TESK2: variants seen among roughly 807,000 people sequenced by gnomAD.
TESK2 encodes testis associated actin remodelling kinase 2, also known as dual specificity testis-specific protein kinase 2.
In TESK2, 39 loss-of-function variants were observed where a neutral mutation model predicts 57.1. That is an observed-to-expected ratio of 0.68 (90% CI 0.53 to 0.89). The LOEUF is 0.89. Among genes scored for constraint, TESK2 ranks in the 40% least tolerant of loss-of-function variants. The probability of loss-of-function intolerance (pLI) is 0.00; values close to 1 mark genes in which losing one functional copy is unlikely to be tolerated. For synonymous variants in TESK2, 249 were observed against 267.9 expected (o/e 0.93, Z 0.69); for missense variants, 646 against 732.1 (o/e 0.88, Z 1.36).
intron 4 of TESK2, among the ~76,000 whole-genome samples, chr1:45,366,384 G>A (rs1419126994): frequency 6.6e-6 from 1 of 150,534 alleles, no homozygotes; most frequent in Admixed American, 6.6e-5. Flanking sequence ...ACCACGGCCA[G>A]CCACTTATTC....
At chr1:45,486,694 AAAAC>A (rs1026895701) in intron 1 of TESK2, among the ~76,000 whole-genome samples, 30 of 150,122 alleles carry the variant, frequency 2.0e-4, no homozygotes, top group Admixed American at 4.7e-4. Context: ...ATTAAAAAAA[AAAAC>A]AAACGCACAC....
intron 1 of TESK2, among the ~76,000 whole-genome samples, chr1:45,470,679 G>A (rs4660858): frequency 0.25 from 38,351 of 152,126 alleles, 4,977 homozygotes; most frequent in East Asian, 0.36. Flanking sequence ...AGTTAGAGAT[G>A]AACTAGTTTA....
chr1:45,373,529 C>T (rs1207866760), intron 4 of TESK2, among the ~76,000 whole-genome samples: 1 of 152,186 alleles, frequency 6.6e-6, no homozygotes, highest in Non-Finnish European at 1.5e-5. Flanking sequence ...AACAACTTCT[C>T]ATTTTTTGAA....
intron 1 of TESK2, among the ~76,000 whole-genome samples, chr1:45,490,197 G>T (rs138745544): frequency 1.3e-4 from 20 of 152,286 alleles, no homozygotes; most frequent in African/African-American, 4.8e-4. Flanking sequence ...CATGCAGCAT[G>T]AAGTCCAAAT....
intron 1 of TESK2, among the ~76,000 whole-genome samples, chr1:45,490,517 G>A (rs1039942844): frequency 6.6e-6 from 1 of 152,168 alleles, no homozygotes; most frequent in Non-Finnish European, 1.5e-5. Flanking sequence ...CGAGCAGGGA[G>A]GCGCTCAGTG....
intron 1 of TESK2, among the ~76,000 whole-genome samples, chr1:45,458,727 T>C (rs1282621279): frequency 1.3e-5 from 2 of 151,822 alleles, no homozygotes; most frequent in African/African-American, 4.8e-5. Context: ...AATTATATAT[T>C]ATATAATTTT....
At chr1:45,490,445 A>G (rs1037819488) in intron 1 of TESK2, among the ~76,000 whole-genome samples, 13 of 152,078 alleles carry the variant, frequency 8.5e-5, no homozygotes, top group Non-Finnish European at 5.9e-5. Context: ...TTTTCGAGGG[A>G]AGAGTGTATC....
In TESK2 at chr1:45,478,178, T is replaced by G. The variant is rs966605176; in HGVS notation, c.-87+12674A>C. On this transcript the variant is annotated intron_variant, in intron 1 of 10. Coordinates refer to ENST00000372086, the MANE Select transcript of TESK2 (RefSeq NM_007170.3). Reference sequence around the variant, plus strand: ...TATATTTGTAGAGCCCTGCTCACACTTCAATATCTATGCATGTAATATTCT... The same window carrying G: ...TATATTTGTAGAGCCCTGCTCACACGTCAATATCTATGCATGTAATATTCT... Among the ~76,000 whole-genome samples the G allele has an allele frequency of 3.3e-5, 5 of 152,208 alleles. 1 individual carries two copies. Among genetic ancestry groups the G allele is most frequent in the Admixed American group, 2.0e-4 (3 of 15,266 alleles).
At chr1:45,384,610 T>TTTTA (rs1216309442) in intron 4 of TESK2, among the ~76,000 whole-genome samples, 29,449 of 123,472 alleles carry the variant, frequency 0.24, 3,903 homozygotes, top group Admixed American at 0.36. Flanking sequence ...TTTTTTTTTT[T>TTTTA]TTTTTTTTTT....
intron 3 of TESK2, among the ~76,000 whole-genome samples, chr1:45,407,783 C>A (rs1649903415): frequency 6.6e-6 from 1 of 152,160 alleles, no homozygotes; most frequent in African/African-American, 2.4e-5. Context: ...AACCTCTTTC[C>A]TTTATAAATT....
chr1:45,453,909 A>C (rs552411456), intron 2 of TESK2, among the ~76,000 whole-genome samples: 8 of 152,342 alleles, frequency 5.3e-5, no homozygotes, highest in African/African-American at 1.9e-4. Context: ...CAACAAGTAC[A>C]TGAAAAGATG....
rs555009644 is a variant in TESK2 at position 45,357,068 on chromosome 1, C to T, written c.394-1619G>A. On this transcript the variant is annotated intron_variant, in intron 4 of 10. Transcript: ENST00000372086. ...AAAATTAGCTGAGCATGGTAGCAGG[C>T]GTCTGTAATCCCAGCTACTCAAGAG... 2.3e-3 allele frequency among the ~76,000 whole-genome samples: 344 copies of T among 151,874 alleles called. 5 individuals are homozygous for T. The highest frequency in any genetic ancestry group is 7.8e-3 in the African/African-American group (323 of 41,430).
chr1:45,409,550 G>C (rs1009247463), intron 3 of TESK2, among the ~76,000 whole-genome samples: 29 of 152,194 alleles, frequency 1.9e-4, no homozygotes, highest in African/African-American at 7.0e-4. Flanking sequence ...ATTCAGCAGG[G>C]AAATGACATA....
At chr1:45,489,621 C>T (rs1351546495) in intron 1 of TESK2, among the ~76,000 whole-genome samples, 2 of 152,176 alleles carry the variant, frequency 1.3e-5, no homozygotes, top group African/African-American at 4.8e-5. Flanking sequence ...GAAACCCCGT[C>T]TCTACTAAAA....
intron 3 of TESK2, among the ~76,000 whole-genome samples, chr1:45,386,595 G>C (rs952506040): frequency 2.0e-5 from 3 of 151,950 alleles, no homozygotes; most frequent in African/African-American, 7.3e-5. Flanking sequence ...TTTTACTGGT[G>C]ATTTCTGGGA....
intron 3 of TESK2, among the ~76,000 whole-genome samples, chr1:45,386,791 C>T (rs925355546): frequency 1.3e-5 from 2 of 151,990 alleles, no homozygotes; most frequent in Non-Finnish European, 2.9e-5. Context: ...GTAGCTGGGA[C>T]TACAGGCATG....
chr1:45,474,195 G>A (rs956803700), intron 1 of TESK2, among the ~76,000 whole-genome samples: 1 of 151,956 alleles, frequency 6.6e-6, no homozygotes, highest in African/African-American at 2.4e-5. Context: ...AAATTAGCCA[G>A]GTGTGGTGGT....
chr1:45,404,923 G>T (rs1460894935), intron 3 of TESK2, among the ~76,000 whole-genome samples: 1 of 152,060 alleles, frequency 6.6e-6, no homozygotes, highest in African/African-American at 2.4e-5. Flanking sequence ...CGGAGTCAGG[G>T]AGTGGATTTT....
chr1:45,453,702 T>C (rs1651964370), intron 2 of TESK2, among the ~76,000 whole-genome samples: 1 of 152,096 alleles, frequency 6.6e-6, no homozygotes, highest in East Asian at 1.9e-4. Flanking sequence ...TTAATCAGAA[T>C]TTAAAATTTC....
Sources: allele counts gnomAD v4.1 joint callset (sites outside exome capture counted in the v4.1 genomes callset), GRCh38; gene constraint gnomAD v4.1.1; transcripts MANE v1.5; gene names NCBI Gene and HGNC (gene_info 2026-07-23, HGNC 2026-07-21).